The following GAD2 variants were observed in gnomAD, a reference collection of about 807,000 sequenced individuals.
GAD2 encodes 65 kDa glutamic acid decarboxylase.
GAD2 carries 22 observed loss-of-function variants against 80.1 expected under a neutral mutation model. The observed-to-expected ratio is 0.27, with a 90% CI of 0.20 to 0.39. The LOEUF is 0.39. GAD2 is among the 10% of genes least tolerant of loss of function. GAD2 has a pLI of 1.00. For missense variants in GAD2, 624 were observed against 738.4 expected, an observed-to-expected ratio of 0.85 and a Z score of 1.80; for synonymous variants, 274 against 256.9, an observed-to-expected ratio of 1.07 and a Z score of -0.64.
chr10:26,218,060 C>T (rs111409766), intron 3 of GAD2, 69 bp downstream of exon 3: 31 of 1,485,822 alleles, frequency 2.1e-5, no homozygotes, highest in Non-Finnish European at 2.6e-5. Flanking sequence ...GCGGCCGGTG[C>T]GGGTCCGGCG....
At chr10:26,270,950 C>A (rs1465462096) in intron 10 of GAD2, among the ~76,000 whole-genome samples, 194 bp downstream of exon 10, 2 of 152,074 alleles carry the variant, frequency 1.3e-5, no homozygotes, top group African/African-American at 4.8e-5. Context: ...CAGAAGCATC[C>A]CAAGGCTGAT....
At chr10:26,244,072 T>C in intron 7 of GAD2, among the ~76,000 whole-genome samples, 1 of 152,204 alleles carries the variant, frequency 6.6e-6, no homozygotes, top group Non-Finnish European at 1.5e-5. Flanking sequence ...AGAACTTGAA[T>C]AGACATTTCT....
intron 9 of GAD2, among the ~76,000 whole-genome samples, chr10:26,269,683 T>G (rs1845111756): frequency 6.6e-6 from 1 of 152,230 alleles, no homozygotes; most frequent in Non-Finnish European, 1.5e-5. Context: ...AGAAAGTCAT[T>G]TACAACCTGG....
At chr10:26,243,855 C>T (rs1589142204) in intron 7 of GAD2, among the ~76,000 whole-genome samples, 1 of 152,184 alleles carries the variant, frequency 6.6e-6, no homozygotes, top group Non-Finnish European at 1.5e-5. Context: ...AGTGTAACTT[C>T]TTGGTAACAT....
In GAD2 at chr10:26,292,999, C is replaced by T. The variant is rs755713450; in HGVS notation, c.1584+8C>T. On this transcript the variant is annotated splice_region_variant and intron_variant, in intron 15 of 15. Coordinates refer to ENST00000376261, the MANE Select transcript of GAD2 (RefSeq NM_001134366.2). ...ATGAGTCGCCTCTCGAAGGTCAGTG[C>T]TCCAAGCTCCTCTGATACATGTGTG... is the stretch of plus-strand genomic sequence containing the variant. 1.3e-5 allele frequency: 21 copies of T among 1,595,264 alleles called. No individual in the cohort carries two copies. The East Asian group carries it at 4.7e-4, about 36-fold the overall frequency.
At chr10:26,255,455 G>A (rs557325701) in intron 8 of GAD2, among the ~76,000 whole-genome samples, 17 of 152,220 alleles carry the variant, frequency 1.1e-4, no homozygotes, top group African/African-American at 2.9e-4. Context: ...AGGTGGAGCC[G>A]TGAAGGGGAG....
intron 11 of GAD2, among the ~76,000 whole-genome samples, chr10:26,274,826 C>CA (rs1400845574): frequency 1.3e-5 from 2 of 151,978 alleles, no homozygotes; most frequent in Non-Finnish European, 2.9e-5. Flanking sequence ...GGAAAGAAGG[C>CA]AAAAAAGAGT....
chr10:26,225,725 G>A (rs373400658), intron 6 of GAD2, among the ~76,000 whole-genome samples: 3 of 152,348 alleles, frequency 2.0e-5, no homozygotes, highest in East Asian at 1.9e-4. Flanking sequence ...GCAAGCTCTG[G>A]TCAGCTATTT....
intron 8 of GAD2, among the ~76,000 whole-genome samples, chr10:26,254,009 A>G (rs1844913914): frequency 6.6e-6 from 1 of 151,844 alleles, no homozygotes. Flanking sequence ...CATTAGTTAG[A>G]TTCTTTTTCT....
At chr10:26,296,159 G>T (rs113243571) in intron 15 of GAD2, among the ~76,000 whole-genome samples, 2,095 of 152,230 alleles carry the variant, frequency 0.014, 55 homozygotes, top group African/African-American at 0.048. Context: ...ATGGCAGAAA[G>T]AGGTCAAGGG....
chr10:26,264,854 A>G (rs974655895), intron 8 of GAD2, among the ~76,000 whole-genome samples: 1 of 152,244 alleles, frequency 6.6e-6, no homozygotes, highest in African/African-American at 2.4e-5. Context: ...TTTTAGGAAT[A>G]GAGCTAAGCC....
rs577847369 is a variant in GAD2 at position 26,281,504 on chromosome 10, C to T, written c.1236+417C>T. On this transcript the variant is annotated intron_variant, in intron 12 of 15. Coordinates refer to ENST00000376261, the MANE Select transcript of GAD2 (RefSeq NM_001134366.2). ...TAAGGGTGGTGGTAGGATCCAGATA[C>T]ATAACATGTATATGTATGTGTGCAT... Among the ~76,000 whole-genome samples, 76 of 152,168 alleles carry T rather than the reference C, an allele frequency of 5.0e-4. 1 individual carries two copies. The Middle Eastern group carries it at 0.024, about 48-fold the overall frequency.
intron 8 of GAD2, among the ~76,000 whole-genome samples, chr10:26,255,913 G>C (rs931336004): frequency 6.6e-6 from 1 of 151,218 alleles, no homozygotes; most frequent in African/African-American, 2.4e-5. Flanking sequence ...ACTGGGGAGG[G>C]ATGGGGAGGA....
intron 7 of GAD2, among the ~76,000 whole-genome samples, chr10:26,229,983 C>A (rs1844578744): frequency 6.6e-6 from 1 of 151,976 alleles, no homozygotes; most frequent in South Asian, 2.1e-4. Flanking sequence ...AAAGGAGCAG[C>A]CTGGGCAATA....
chr10:26,297,426 A>C (rs528631490), intron 15 of GAD2, among the ~76,000 whole-genome samples: 7 of 152,330 alleles, frequency 4.6e-5, no homozygotes, highest in Admixed American at 3.9e-4. Context: ...AATTATGGAA[A>C]AGTCGCCTGG....
At chr10:26,228,320 G>A (rs1486701238) in intron 6 of GAD2, among the ~76,000 whole-genome samples, 1 of 152,220 alleles carries the variant, frequency 6.6e-6, no homozygotes, top group Non-Finnish European at 1.5e-5. Context: ...TGGAATCCCT[G>A]ACAACTTTTG....
intron 7 of GAD2, among the ~76,000 whole-genome samples, chr10:26,244,722 G>A (rs1327237273): frequency 6.6e-6 from 1 of 152,190 alleles, no homozygotes; most frequent in Non-Finnish European, 1.5e-5. Context: ...AGGGGTTGGG[G>A]GTGGGGAGAA....
intron 11 of GAD2, among the ~76,000 whole-genome samples, chr10:26,276,668 G>C (rs771909543): frequency 6.6e-6 from 1 of 152,156 alleles, no homozygotes; most frequent in African/African-American, 2.4e-5. Context: ...TATTACAGGC[G>C]TGAGCCACCG....
chr10:26,274,584 A>G (rs1245797640), intron 11 of GAD2, among the ~76,000 whole-genome samples: 1 of 152,146 alleles, frequency 6.6e-6, no homozygotes, highest in Non-Finnish European at 1.5e-5. Context: ...AAAGCGTCAC[A>G]CTGGCTCTGC....
Sources: gnomAD v4.1 joint callset for allele counts (sites outside exome capture counted in the v4.1 genomes callset) on GRCh38, gnomAD v4.1.1 for gene constraint, MANE v1.5 for transcripts, NCBI Gene and HGNC (gene_info 2026-07-23, HGNC 2026-07-21) for gene names.